PPP1R7: variants seen among roughly 807,000 people sequenced by gnomAD.
PPP1R7 encodes protein phosphatase 1 regulatory subunit 22.
A neutral mutation model predicts 45.2 loss-of-function variants in PPP1R7; 18 were observed. The ratio of observed to expected loss-of-function variants is 0.40; its 90% confidence interval spans 0.28 to 0.59. PPP1R7 has a LOEUF of 0.59. Among genes scored for constraint, PPP1R7 ranks in the 20% least tolerant of loss-of-function variants. The probability of loss-of-function intolerance (pLI) is 0.46; values close to 1 mark genes in which losing one functional copy is unlikely to be tolerated. For missense variants in PPP1R7, 314 were observed against 455.8 expected (o/e 0.69, Z 2.83); for synonymous variants, 181 against 183.4 (o/e 0.99, Z 0.11).
At chr2:241,167,296 C>T (rs1290506446) in intron 8 of PPP1R7, 4 of 409,558 alleles carry the variant, frequency 9.8e-6, no homozygotes, top group African/African-American at 4.1e-5. Flanking sequence ...TAGTTGGCAG[C>T]AGTAAATTTC....
intron 7 of PPP1R7, among the ~76,000 whole-genome samples, chr2:241,164,626 C>T (rs1324178807): frequency 1.3e-5 from 2 of 152,166 alleles, no homozygotes; most frequent in East Asian, 1.9e-4. Context: ...TGGCCTGGTA[C>T]AGTGGCTCAT....
In PPP1R7 at chr2:241,164,573, C is replaced by G. The variant is rs140220090; in HGVS notation, c.714+1172C>G. ...GGGCATGTGGAAACCGCTCTTAACC[C>G]TTGGTGAAGCAGAAGTTTGTCAGGC... On this transcript the variant is annotated intron_variant, in intron 7 of 9. Transcript: ENST00000234038. 1.6e-3 allele frequency among the ~76,000 whole-genome samples: 251 copies of G among 152,300 alleles called. 2 individuals are homozygous for G. Among genetic ancestry groups the G allele is most frequent in the Middle Eastern group, 3.4e-3 (1 of 294 alleles).
chr2:241,173,641 A>G (rs79216506), intron 9 of PPP1R7, among the ~76,000 whole-genome samples: 3,632 of 152,244 alleles, frequency 0.024, 287 homozygotes, highest in East Asian at 0.21. Context: ...TTTCTCTAAA[A>G]CTGCTTCTGC....
At chr2:241,160,794 A>G (rs1471387292) in intron 6 of PPP1R7, among the ~76,000 whole-genome samples, 1 of 152,230 alleles carries the variant, frequency 6.6e-6, no homozygotes, top group African/African-American at 2.4e-5. Context: ...GAACCAACCA[A>G]CCTGAATGCC....
At chr2:241,153,660 T>C in intron 2 of PPP1R7, 56 bp downstream of exon 2, 1 of 1,594,746 alleles carries the variant, frequency 6.3e-7, no homozygotes, top group Non-Finnish European at 8.6e-7. Context: ...TGGGCTGTGC[T>C]GCACGTGGTC....
chr2:241,162,508 A>T (rs1311103526), intron 6 of PPP1R7, among the ~76,000 whole-genome samples: 2 of 152,112 alleles, frequency 1.3e-5, no homozygotes, highest in Non-Finnish European at 2.9e-5. Flanking sequence ...TGAATAGAGG[A>T]GCACACGATC....
At chr2:241,154,179 CAAAAAAAAAAAA>C (rs1167747738) in intron 2 of PPP1R7, among the ~76,000 whole-genome samples, 7 of 50,488 alleles carry the variant, frequency 1.4e-4, no homozygotes, top group East Asian at 6.8e-4. Flanking sequence ...TACTCCTTCT[CAAAAAAAAAAAA>C]AAAAAAAAAA....
chr2:241,151,891 A>G (rs1260085424), intron 1 of PPP1R7, among the ~76,000 whole-genome samples: 2 of 152,142 alleles, frequency 1.3e-5, no homozygotes, highest in Non-Finnish European at 2.9e-5. Context: ...TCACCAGCCC[A>G]TCATCCCCAG....
intron 9 of PPP1R7, among the ~76,000 whole-genome samples, chr2:241,176,881 C>T (rs1447620675): frequency 1.3e-5 from 2 of 152,192 alleles, no homozygotes; most frequent in Non-Finnish European, 2.9e-5. Flanking sequence ...ACTCTCGTGA[C>T]TACGGAGATA....
upstream of PPP1R7, chr2:241,150,389 A>C: frequency 6.1e-5 from 47 of 773,200 alleles, no homozygotes; most frequent in East Asian, 1.1e-3. Context: ...GGCGCGGCTG[A>C]AGTCGCCGCG....
At chr2:241,166,526 T>C (rs1171221529) in intron 8 of PPP1R7, 85 bp downstream of exon 8, 1 of 1,147,128 alleles carries the variant, frequency 8.7e-7, no homozygotes, top group Non-Finnish European at 1.3e-6. Context: ...CACACTGGCC[T>C]CTCGGGCCGG....
intron 9 of PPP1R7, among the ~76,000 whole-genome samples, chr2:241,175,882 G>A (rs984423269): frequency 3.2e-4 from 49 of 152,168 alleles, no homozygotes; most frequent in African/African-American, 1.2e-3. Context: ...AGGTTCAAAC[G>A]ATTCTCCTGC....
At chr2:241,170,842 G>C (rs368785552) in intron 9 of PPP1R7, among the ~76,000 whole-genome samples, 55 of 152,330 alleles carry the variant, frequency 3.6e-4, no homozygotes, top group African/African-American at 1.3e-3. Flanking sequence ...GGGAAGATCA[G>C]AGCCAGAATT....
upstream of PPP1R7, chr2:241,149,929 C>G: frequency 7.0e-7 from 1 of 1,430,030 alleles, no homozygotes; most frequent in East Asian, 2.5e-5. Flanking sequence ...CCGCCTGCTC[C>G]GAGCGTCAAG....
At chr2:241,151,451 C>G (rs768305086) in intron 1 of PPP1R7, 17 of 470,952 alleles carry the variant, frequency 3.6e-5, no homozygotes, top group South Asian at 2.5e-4. Context: ...AGGGCGAGCT[C>G]TGAGCTGGAG....
intron 7 of PPP1R7, among the ~76,000 whole-genome samples, chr2:241,164,678 C>T (rs939253345): frequency 6.6e-6 from 1 of 152,098 alleles, no homozygotes; most frequent in Admixed American, 6.6e-5. Context: ...GCGGTCAGAT[C>T]GCTTGAGCCC....
At chr2:241,149,666 G>A (rs1032779748), upstream of PPP1R7, 2 of 1,545,390 alleles carry the variant, frequency 1.3e-6, no homozygotes, top group Admixed American at 3.9e-5. Flanking sequence ...TCCGCCCCCG[G>A]GCCGGGCAGA....
In PPP1R7 at chr2:241,169,791, C is replaced by T. The variant is rs116243166; in HGVS notation, c.830C>T (p.Thr277Met). ...ATTTCCTTCTTTTAGAACAAACTCA[C>T]GATGTTGGACATTGCATCAAATAGA... ...IEGLENNNKL[T>M]MLDIASNRIK... Residue 277 changes from threonine (T) to methionine (M), a missense_variant, in exon 9 of 10, where the codon ACG becomes ATG. Thr to Met is a moderately conservative substitution (Grantham distance 81). Transcript: ENST00000234038. The T allele has an allele frequency of 4.2e-4, 671 of 1,608,700 alleles. No individual in the cohort carries two copies. Among genetic ancestry groups the T allele is most frequent in the Non-Finnish European group, 5.4e-4 (631 of 1,175,052 alleles).
At position 241,182,997 on chromosome 2, in the gene PPP1R7, C is replaced by T. The variant is rs925694889; in HGVS notation, c.*174C>T. The T allele has an allele frequency of 7.4e-6, 5 of 671,580 alleles. No individual in the cohort carries two copies. Among genetic ancestry groups the T allele is most frequent in the Admixed American group, 5.9e-5 (2 of 33,930 alleles). The allele number at this position is 671,580 out of a possible 1,614,324, so 41.6% of individuals were successfully genotyped here. Reference sequence around the variant, plus strand: ...GACGTCACACACCATTTTCAGATGCCGTTGCAATTAAATCTTGCCACACTG... The same window carrying T: ...GACGTCACACACCATTTTCAGATGCTGTTGCAATTAAATCTTGCCACACTG... On this transcript the variant is annotated 3_prime_UTR_variant, in exon 10 of 10. Coordinates refer to ENST00000234038, the MANE Select transcript of PPP1R7 (RefSeq NM_002712.3).
Sources: allele counts gnomAD v4.1 joint callset (sites outside exome capture counted in the v4.1 genomes callset), GRCh38; gene constraint gnomAD v4.1.1; transcripts MANE v1.5; gene names NCBI Gene and HGNC (gene_info 2026-07-23, HGNC 2026-07-21).